The following ZFAT variants were observed in gnomAD, a reference collection of about 807,000 sequenced individuals.
ZFAT encodes the protein zinc finger and AT-hook domain containing, also known as zinc finger protein ZFAT.
ZFAT carries 64 observed loss-of-function variants against 117.7 expected under a neutral mutation model. The observed-to-expected ratio is 0.54, with a 90% CI of 0.44 to 0.67. The LOEUF (loss-of-function observed/expected upper bound fraction) is 0.67. Ranked by LOEUF, ZFAT falls within the 30% of genes least tolerant of loss-of-function variation. The pLI, the probability that ZFAT is intolerant of heterozygous loss-of-function variation, is 0.00. For synonymous variants in ZFAT, 679 were observed against 615.0 expected (o/e 1.10, Z -1.54); for missense variants, 1,433 against 1,584.5 (o/e 0.90, Z 1.62).
intron 1 of ZFAT, among the ~76,000 whole-genome samples, chr8:134,682,161 C>G (rs578196451): frequency 6.6e-6 from 1 of 152,140 alleles, no homozygotes; most frequent in East Asian, 1.9e-4. Context: ...GAGGCTCATA[C>G]GAGGCTTATT....
chr8:134,755,257 A>G, the ZFAT span, among the ~76,000 whole-genome samples: 1 of 151,090 alleles, frequency 6.6e-6, no homozygotes, highest in Non-Finnish European at 1.5e-5. Flanking sequence ...ACAAAAAAAA[A>G]AAAAAAAATG....
chr8:134,551,383 C>T (rs576475991), intron 11 of ZFAT, among the ~76,000 whole-genome samples: 6 of 152,304 alleles, frequency 3.9e-5, no homozygotes, highest in Middle Eastern at 6.8e-3. Context: ...AAAACACCTG[C>T]GTAATGCCAA....
intron 1 of ZFAT, among the ~76,000 whole-genome samples, chr8:134,682,331 T>C (rs1364480460): frequency 1.3e-5 from 2 of 152,236 alleles, no homozygotes; most frequent in Non-Finnish European, 1.5e-5. Context: ...CCACACCAAC[T>C]GTAAGCTGCC....
the ZFAT span, among the ~76,000 whole-genome samples, chr8:134,747,261 A>T: frequency 6.6e-6 from 1 of 151,816 alleles, no homozygotes; most frequent in African/African-American, 2.4e-5. Flanking sequence ...GCTAATTTTT[A>T]AAAATTTTTA....
chr8:134,487,437 G>C (rs1817734353), intron 15 of ZFAT, among the ~76,000 whole-genome samples: 1 of 152,152 alleles, frequency 6.6e-6, no homozygotes, highest in South Asian at 2.1e-4. Flanking sequence ...TTTGAGAAGG[G>C]GTGGCTCAGA....
At chr8:134,800,659 ACTCTGTTG>A in the ZFAT span, 2 of 408,678 alleles carry the variant, frequency 4.9e-6, no homozygotes, top group Admixed American at 3.0e-5. Context: ...TTTACGTAAG[ACTCTGTTG>A]AAAAAAAGAA....
Position 134,600,574 on chromosome 8 carries a change from G to A in ZFAT, c.2337C>T (p.Ser779=), listed in dbSNP as rs1308342141. Reference sequence around the variant, plus strand: ...GGCGTTTAAGGCAGTTTTTGGTGATGGAAGAATAATGACACTGAGAGCAAT... The same window carrying A: ...GGCGTTTAAGGCAGTTTTTGGTGATAGAAGAATAATGACACTGAGAGCAAT... The part of the protein sequence containing the change: ...LYYCSQCHYS[S]ITKNCLKRHV... Residue 779 remains serine, a synonymous_variant, in exon 7 of 16, where the codon TCC becomes TCT. Transcript: ENST00000377838. 2 of 1,613,970 alleles carry A rather than the reference G, an allele frequency of 1.2e-6. No individual in the cohort carries two copies. Among genetic ancestry groups the A allele is most frequent in the African/African-American group, 1.3e-5 (1 of 74,884 alleles).
intron 12 of ZFAT, among the ~76,000 whole-genome samples, chr8:134,522,665 C>A (rs1820749939): frequency 6.6e-6 from 1 of 152,180 alleles, no homozygotes; most frequent in Non-Finnish European, 1.5e-5. Context: ...AAATCCACAG[C>A]CCAGCATCAA....
chr8:134,494,288 C>T (rs955189339), intron 15 of ZFAT, among the ~76,000 whole-genome samples: 30 of 152,216 alleles, frequency 2.0e-4, no homozygotes, highest in African/African-American at 5.8e-4. Flanking sequence ...TTCCACCTGC[C>T]TGACTTTCAC....
intron 6 of ZFAT, among the ~76,000 whole-genome samples, chr8:134,600,888 C>T (rs1286834275): frequency 1.3e-5 from 2 of 152,070 alleles, no homozygotes; most frequent in African/African-American, 4.8e-5. Flanking sequence ...GATGTTAGGG[C>T]CCAGAGAGGA....
At chr8:134,631,020 G>A (rs903968049) in intron 3 of ZFAT, among the ~76,000 whole-genome samples, 4 of 152,166 alleles carry the variant, frequency 2.6e-5, no homozygotes, top group Non-Finnish European at 5.9e-5. Context: ...AAGGCAGCTG[G>A]GCATAAGGTC....
At chr8:134,574,736 G>C (rs900621258) in intron 10 of ZFAT, among the ~76,000 whole-genome samples, 6 of 151,994 alleles carry the variant, frequency 3.9e-5, no homozygotes, top group African/African-American at 1.4e-4. Context: ...AAAGTACTTA[G>C]AGGAAAGAAT....
chr8:134,605,743 T>C (rs897261140), intron 5 of ZFAT, among the ~76,000 whole-genome samples: 1 of 152,212 alleles, frequency 6.6e-6, no homozygotes, highest in South Asian at 2.1e-4. Context: ...GGAACTAGTT[T>C]GTTTGCACGT....
chr8:134,585,889 CTAA>C (rs1292954605), intron 9 of ZFAT, among the ~76,000 whole-genome samples: 7 of 152,054 alleles, frequency 4.6e-5, no homozygotes, highest in Admixed American at 3.3e-4. Flanking sequence ...CTCTAAGCAA[CTAA>C]TGTCACAGGT....
chr8:134,528,943 G>C (rs1374188132), intron 12 of ZFAT, among the ~76,000 whole-genome samples: 1 of 152,188 alleles, frequency 6.6e-6, no homozygotes, highest in Non-Finnish European at 1.5e-5. Context: ...GTAGAAATAT[G>C]CAGATAAATG....
At chr8:134,480,732 C>A (rs959917741) in intron 15 of ZFAT, among the ~76,000 whole-genome samples, 2 of 152,156 alleles carry the variant, frequency 1.3e-5, no homozygotes, top group African/African-American at 4.8e-5. Context: ...AGGTCCCACT[C>A]ACGACATGTC....
chr8:134,573,782 GTGCTGGGAC>G (rs1379781788), intron 10 of ZFAT, among the ~76,000 whole-genome samples: 3 of 152,194 alleles, frequency 2.0e-5, no homozygotes, highest in Non-Finnish European at 2.9e-5. Flanking sequence ...CTAAGCATGA[GTGCTGGGAC>G]TGCATGTCCA....
intron 3 of ZFAT, among the ~76,000 whole-genome samples, chr8:134,612,294 G>C (rs1325884357): frequency 6.6e-6 from 1 of 152,232 alleles, no homozygotes; most frequent in African/African-American, 2.4e-5. Context: ...GGGTCATAGG[G>C]AGGTGAGATC....
intron 1 of ZFAT, among the ~76,000 whole-genome samples, chr8:134,694,676 C>A (rs1382382793): frequency 6.6e-6 from 1 of 152,142 alleles, no homozygotes; most frequent in African/African-American, 2.4e-5. Context: ...TCTCTAAAGG[C>A]TCCAGAAGCT....
Sources: allele counts gnomAD v4.1 joint callset (sites outside exome capture counted in the v4.1 genomes callset), GRCh38; gene constraint gnomAD v4.1.1; transcripts MANE v1.5; gene names NCBI Gene and HGNC (gene_info 2026-07-23, HGNC 2026-07-21).